The following SH3D19 variants were observed in gnomAD, a reference collection of about 807,000 sequenced individuals.
The protein encoded by SH3D19 is SH3 domain containing 19.
SH3D19 carries 58 observed loss-of-function variants against 112.1 expected under a neutral mutation model. The ratio of observed to expected loss-of-function variants is 0.52; its 90% CI spans 0.42 to 0.64. The LOEUF (loss-of-function observed/expected upper bound fraction) is 0.64. Among genes scored for constraint, SH3D19 ranks in the 30% least tolerant of loss-of-function variants. The pLI is 0.00. For missense variants in SH3D19, 1,090 were observed against 1,263.4 expected, an observed-to-expected ratio of 0.86 and a Z score of 2.08; for synonymous variants, 391 against 448.5, an observed-to-expected ratio of 0.87 and a Z score of 1.62.
At chr4:151,208,869 G>A (rs1479086998) in intron 2 of SH3D19, among the ~76,000 whole-genome samples, 8 of 151,262 alleles carry the variant, frequency 5.3e-5, no homozygotes, top group Non-Finnish European at 1.0e-4. Flanking sequence ...AGTAGAGACG[G>A]GGTTTCACCG....
chr4:151,228,724 T>C (rs1392667812), intron 1 of SH3D19, among the ~76,000 whole-genome samples: 1 of 152,234 alleles, frequency 6.6e-6, no homozygotes, highest in Admixed American at 6.5e-5. Context: ...AACATTTGGA[T>C]GAAAGCCCAA....
chr4:151,138,003 C>A, intron 13 of SH3D19, 141 bp from the exon 14 acceptor site: 1 of 581,716 alleles, frequency 1.7e-6, no homozygotes, highest in South Asian at 5.1e-5. Context: ...ATCAAATTGA[C>A]TTAAAAAATG....
intron 11 of SH3D19, 46 bp from the exon 12 acceptor site, chr4:151,144,096 A>T (rs759946290): frequency 1.4e-5 from 23 of 1,591,058 alleles, no homozygotes; most frequent in Non-Finnish European, 2.0e-5. Flanking sequence ...TATTTAATAA[A>T]ACATTATTAC....
rs539847050 is a variant in SH3D19 at position 151,269,898 on chromosome 4, A to C, written c.113-43812T>G. ...CACACACATTAGCCTAGGCCTACACAGGGTCAGGATCATCAGTATCACTGT... is the reference window on the plus strand; with the variant it reads ...CACACACATTAGCCTAGGCCTACACCGGGTCAGGATCATCAGTATCACTGT... On this transcript the variant is annotated intron_variant, in intron 1 of 19. Transcript: ENST00000604030. Among the ~76,000 whole-genome samples, 8 of 152,192 alleles carry C rather than the reference A, an allele frequency of 5.3e-5. No individual in the cohort carries two copies. In the East Asian group the frequency reaches 1.5e-3, roughly 29 times the overall value.
At chr4:151,284,784 C>T (rs1041020761) in intron 1 of SH3D19, among the ~76,000 whole-genome samples, 1 of 152,168 alleles carries the variant, frequency 6.6e-6, no homozygotes, top group African/African-American at 2.4e-5. Flanking sequence ...TGGCTGACCT[C>T]AAAATCCAAA....
At chr4:151,185,598 C>T (rs753508458) in intron 3 of SH3D19, among the ~76,000 whole-genome samples, 11 of 152,162 alleles carry the variant, frequency 7.2e-5, no homozygotes, top group Non-Finnish European at 1.5e-4. Context: ...TATCTGAATT[C>T]TCTTCATCTC....
At chr4:151,178,089 T>G (rs190697734) in intron 4 of SH3D19, among the ~76,000 whole-genome samples, 5 of 152,300 alleles carry the variant, frequency 3.3e-5, no homozygotes, top group Non-Finnish European at 7.4e-5. Context: ...ATTTTTAAAA[T>G]TTTTTGTAGA....
At chr4:151,273,450 C>T (rs904404731) in intron 1 of SH3D19, among the ~76,000 whole-genome samples, 5 of 151,726 alleles carry the variant, frequency 3.3e-5, no homozygotes, top group South Asian at 2.1e-4. Flanking sequence ...ATTAGCTGGG[C>T]GTGGTGGTGG....
chr4:151,127,361 C>G (rs1240754044), intron 19 of SH3D19, among the ~76,000 whole-genome samples: 1 of 152,142 alleles, frequency 6.6e-6, no homozygotes, highest in Non-Finnish European at 1.5e-5. Context: ...GACCAAGGAA[C>G]AGGGATTACT....
intron 2 of SH3D19, among the ~76,000 whole-genome samples, chr4:151,190,481 C>A (rs773604572): frequency 1.3e-5 from 2 of 152,162 alleles, no homozygotes; most frequent in Non-Finnish European, 2.9e-5. Flanking sequence ...GGGTTAGGCC[C>A]AGGGTCCCTC....
At chr4:151,237,087 C>T (rs940209240) in intron 1 of SH3D19, among the ~76,000 whole-genome samples, 2 of 152,114 alleles carry the variant, frequency 1.3e-5, no homozygotes, top group African/African-American at 4.8e-5. Context: ...TCTGTGTTGC[C>T]TTTATGAGCT....
intron 1 of SH3D19, chr4:151,279,908 T>C (rs769469749): frequency 2.5e-6 from 4 of 1,613,736 alleles, no homozygotes; most frequent in East Asian, 4.5e-5. Flanking sequence ...TCTGTGGAGG[T>C]TCCCTCGTCA....
chr4:151,190,961 A>T (rs1237004359), intron 2 of SH3D19, among the ~76,000 whole-genome samples: 1 of 152,162 alleles, frequency 6.6e-6, no homozygotes, highest in Non-Finnish European at 1.5e-5. Context: ...GGGAGGCTAT[A>T]CCCTGCAAAA....
intron 1 of SH3D19, chr4:151,279,843 G>A: frequency 6.2e-7 from 1 of 1,610,804 alleles, no homozygotes; most frequent in Non-Finnish European, 8.5e-7. Flanking sequence ...TGGCCAGGAT[G>A]CTGCTGCAGG....
At chr4:151,304,961 A>G (rs752368652) in intron 1 of SH3D19, among the ~76,000 whole-genome samples, 7 of 152,120 alleles carry the variant, frequency 4.6e-5, no homozygotes, top group Non-Finnish European at 1.0e-4. Flanking sequence ...TCTAGGCATA[A>G]AACAAAACAA....
intron 1 of SH3D19, among the ~76,000 whole-genome samples, chr4:151,281,093 G>A (rs1774177757): frequency 6.7e-6 from 1 of 150,032 alleles, no homozygotes; most frequent in African/African-American, 2.4e-5. Flanking sequence ...AGTCATAAAG[G>A]ATAAAGAAAG....
At chr4:151,182,560 C>G (rs922516867) in intron 3 of SH3D19, among the ~76,000 whole-genome samples, 1 of 152,210 alleles carries the variant, frequency 6.6e-6, no homozygotes, top group Admixed American at 6.5e-5. Context: ...TCCTTCTGCA[C>G]AACCTTCAAG....
At position 151,151,523 on chromosome 4, in the gene SH3D19, A is replaced by T. The variant is rs370055349; in HGVS notation, c.1756-1962T>A. Reference sequence around the variant, plus strand: ...GATTTTTAAATTATACTGAATATTTATAACCTTTTCCTTAAATACCAAATG... The same window carrying T: ...GATTTTTAAATTATACTGAATATTTTTAACCTTTTCCTTAAATACCAAATG... On this transcript the variant is annotated intron_variant, in intron 9 of 19. Transcript: ENST00000604030. 4.5e-4 allele frequency among the ~76,000 whole-genome samples: 68 copies of T among 152,236 alleles called. 1 individual carries two copies. In the Middle Eastern group the frequency reaches 0.01, roughly 23 times the overall value.
At position 151,159,830 on chromosome 4, in the gene SH3D19, G is replaced by A. The variant is rs1049832072; in HGVS notation, c.1643-478C>T. ...ACTGTGACTAGTGGCTACCAGCACA[G>A]TTAAAGAACATTTCTATCTTTGTAG... On this transcript the variant is annotated intron_variant, in intron 8 of 19. Coordinates refer to ENST00000604030, the MANE Select transcript of SH3D19 (RefSeq NM_001378122.1). Among the ~76,000 whole-genome samples, 5 of 152,152 alleles carry A rather than the reference G, an allele frequency of 3.3e-5. No individual in the cohort carries two copies. In the South Asian group the frequency reaches 8.3e-4, roughly 25 times the overall value.
Sources: gnomAD v4.1 joint callset for allele counts (sites outside exome capture counted in the v4.1 genomes callset) on GRCh38, gnomAD v4.1.1 for gene constraint, MANE v1.5 for transcripts, NCBI Gene and HGNC (gene_info 2026-07-23, HGNC 2026-07-21) for gene names.